The following PKNOX2 variants were observed in gnomAD, a reference collection of about 807,000 sequenced individuals.
The protein encoded by PKNOX2 is homeobox protein PKNOX2.
Under a neutral mutation model 53.1 loss-of-function variants are expected in PKNOX2, and 14 were observed. The ratio of observed to expected loss-of-function variants is 0.26; its 90% CI spans 0.17 to 0.41. The LOEUF is 0.41. PKNOX2 is among the 10% of genes least tolerant of loss of function. PKNOX2 has a pLI of 1.00. For synonymous variants in PKNOX2, 257 were observed against 242.8 expected, an observed-to-expected ratio of 1.06 and a Z score of -0.54; for missense variants, 496 against 602.8, an observed-to-expected ratio of 0.82 and a Z score of 1.85.
chr11:125,334,085 C>T (rs1013273056), intron 3 of PKNOX2, among the ~76,000 whole-genome samples: 1 of 152,146 alleles, frequency 6.6e-6, no homozygotes, highest in Non-Finnish European at 1.5e-5. Flanking sequence ...GTGGCAAGAG[C>T]AGGTCATATG....
chr11:125,348,371 T>G (rs938111271), intron 3 of PKNOX2, among the ~76,000 whole-genome samples: 5 of 152,156 alleles, frequency 3.3e-5, no homozygotes, highest in African/African-American at 1.2e-4. Context: ...AGAAGGAAAC[T>G]TAAGCCTCTA....
At chr11:125,168,278 A>T (rs1289944457) in intron 1 of PKNOX2, among the ~76,000 whole-genome samples, 1 of 152,214 alleles carries the variant, frequency 6.6e-6, no homozygotes, top group Non-Finnish European at 1.5e-5. Flanking sequence ...AAGGTTTTTG[A>T]CTAGGTCCTA....
chr11:125,272,776 G>A (rs1350261045), intron 2 of PKNOX2, among the ~76,000 whole-genome samples: 2 of 152,288 alleles, frequency 1.3e-5, no homozygotes, highest in South Asian at 2.1e-4. Context: ...CACAGGTCCC[G>A]GTGTGAACAG....
chr11:125,289,446 A>G (rs1306353197), intron 2 of PKNOX2, among the ~76,000 whole-genome samples: 1 of 152,220 alleles, frequency 6.6e-6, no homozygotes, highest in African/African-American at 2.4e-5. Flanking sequence ...GTATTCAGTA[A>G]ACGCTTTGAA....
chr11:125,242,829 C>T (rs925615971), intron 2 of PKNOX2, among the ~76,000 whole-genome samples: 41 of 152,178 alleles, frequency 2.7e-4, no homozygotes, highest in African/African-American at 9.4e-4. Context: ...ATCATCCTCA[C>T]GTCCCCATCA....
At chr11:125,275,474 G>A (rs1005857243) in intron 2 of PKNOX2, among the ~76,000 whole-genome samples, 3 of 152,148 alleles carry the variant, frequency 2.0e-5, no homozygotes, top group Non-Finnish European at 2.9e-5. Flanking sequence ...GGACTATAAC[G>A]GGGAGAGTGA....
At chr11:125,252,510 GGA>G (rs1255617183) in intron 2 of PKNOX2, among the ~76,000 whole-genome samples, 1 of 152,180 alleles carries the variant, frequency 6.6e-6, no homozygotes, top group Non-Finnish European at 1.5e-5. Flanking sequence ...CAGAGGCAGT[GGA>G]GAGAGAGACC....
chr11:125,244,407 A>G (rs77721870), intron 2 of PKNOX2, among the ~76,000 whole-genome samples: 507 of 152,092 alleles, frequency 3.3e-3, no homozygotes, highest in South Asian at 0.011. Flanking sequence ...GCCTCCCCTT[A>G]TCCCCAACCC....
intron 1 of PKNOX2, among the ~76,000 whole-genome samples, chr11:125,215,823 T>C (rs1286267752): frequency 6.6e-6 from 1 of 152,206 alleles, no homozygotes; most frequent in Non-Finnish European, 1.5e-5. Flanking sequence ...AGGCTGGAAG[T>C]GAAAGGGTCT....
intron 2 of PKNOX2, among the ~76,000 whole-genome samples, chr11:125,293,286 C>A (rs549708688): frequency 9.9e-5 from 15 of 152,236 alleles, no homozygotes; most frequent in African/African-American, 3.4e-4. Context: ...AATCACAGAA[C>A]AAATTGTAAT....
Position 125,240,655 on chromosome 11 carries a change from C to A in PKNOX2, c.-130+5540C>A, listed in dbSNP as rs1485473510. ...AAGGATTTCCCTCTTTTTTCTTTCT[C>A]TGTGGTGCCTGTCACTTCCACCATT... On this transcript the variant is annotated intron_variant, in intron 2 of 12. Transcript: ENST00000298282. The surrounding 1 kb of genome is among the most constrained non-coding windows in gnomAD (Gnocchi z 4.3). Among the ~76,000 whole-genome samples the A allele has an allele frequency of 6.6e-6, 1 of 152,110 alleles. No homozygotes were observed. Among genetic ancestry groups the A allele is most frequent in the Non-Finnish European group, 1.5e-5 (1 of 68,012 alleles).
chr11:125,230,455 G>A (rs889918343), intron 1 of PKNOX2, among the ~76,000 whole-genome samples: 2 of 152,144 alleles, frequency 1.3e-5, no homozygotes, highest in Non-Finnish European at 2.9e-5. Flanking sequence ...CGCTGTTGGA[G>A]GGACGAGTGG....
At chr11:125,206,704 T>C (rs925617666) in intron 1 of PKNOX2, among the ~76,000 whole-genome samples, 1 of 152,002 alleles carries the variant, frequency 6.6e-6, no homozygotes, top group Non-Finnish European at 1.5e-5. Context: ...ACTTACCTCA[T>C]TGAGATGTTG....
intron 1 of PKNOX2, among the ~76,000 whole-genome samples, chr11:125,175,272 G>A (rs1415176854): frequency 6.6e-6 from 1 of 152,188 alleles, no homozygotes; most frequent in Non-Finnish European, 1.5e-5. Context: ...AGGAGGGAGA[G>A]CTTCAATCCC....
At chr11:125,412,400 C>G (rs1178603068) in intron 10 of PKNOX2, among the ~76,000 whole-genome samples, 1 of 152,238 alleles carries the variant, frequency 6.6e-6, no homozygotes, top group African/African-American at 2.4e-5. Context: ...AGCACTATTT[C>G]TTTCATAAGC....
intron 5 of PKNOX2, among the ~76,000 whole-genome samples, chr11:125,381,829 C>A (rs922932788): frequency 6.6e-6 from 1 of 152,224 alleles, no homozygotes; most frequent in Admixed American, 6.5e-5. Context: ...TGCTTTTTCT[C>A]CTGCTGGAAC....
In PKNOX2 at chr11:125,431,625, G is replaced by A. The variant is rs575402850; in HGVS notation, c.*233G>A. On this transcript the variant is annotated 3_prime_UTR_variant, in exon 13 of 13. Transcript: ENST00000298282. ...GGAACTGCCGAGGACTCTGTTTGGC[G>A]GGGCCAGTCGAGCAGCCTGTGTGGA... 32 of 552,180 alleles carry A rather than the reference G, an allele frequency of 5.8e-5. No homozygotes were observed. The East Asian group carries it at 6.9e-4, about 12-fold the overall frequency. The allele number at this position is 552,180 out of a possible 1,614,324, so 34.2% of individuals were successfully genotyped here. A position where few individuals can be genotyped will look rare whatever the true frequency, so the allele number is the denominator to read the frequency against.
At chr11:125,300,141 C>T (rs1172372177) in intron 2 of PKNOX2, among the ~76,000 whole-genome samples, 1 of 152,212 alleles carries the variant, frequency 6.6e-6, no homozygotes, top group Non-Finnish European at 1.5e-5. Context: ...GAAATGAGGG[C>T]TCCCATCCTG....
At chr11:125,364,152 G>A (rs953654673) in intron 4 of PKNOX2, among the ~76,000 whole-genome samples, 1 of 152,216 alleles carries the variant, frequency 6.6e-6, no homozygotes, top group African/African-American at 2.4e-5. Flanking sequence ...CCCAAGCCCT[G>A]TGGACAGCTG....
Sources: gnomAD v4.1 joint callset for allele counts (sites outside exome capture counted in the v4.1 genomes callset) on GRCh38, gnomAD v4.1.1 for gene constraint, Gnocchi (gnomAD v3.1) non-coding constraint, MANE v1.5 for transcripts, NCBI Gene and HGNC (gene_info 2026-07-23, HGNC 2026-07-21) for gene names.